Variants in HTT observed in about 807,000 individuals in gnomAD.
HTT encodes huntingtin, also known as huntington disease protein.
A neutral mutation model predicts 362.3 loss-of-function variants in HTT; 104 were observed. The observed-to-expected ratio is 0.29, with a 90% CI of 0.24 to 0.34. The LOEUF (loss-of-function observed/expected upper bound fraction) is 0.34. HTT is among the 10% of genes least tolerant of loss of function. HTT has a pLI of 1.00. For synonymous variants in HTT, 1,577 were observed against 1,548.7 expected, an observed-to-expected ratio of 1.02 and a Z score of -0.43; for missense variants, 3,301 against 3,928.6, an observed-to-expected ratio of 0.84 and a Z score of 4.27.
intron 1 of HTT, among the ~76,000 whole-genome samples, chr4:3,081,341 T>G (rs1712887605): frequency 6.6e-6 from 1 of 152,140 alleles, no homozygotes; most frequent in Non-Finnish European, 1.5e-5. Flanking sequence ...TATGTATGAG[T>G]GTCTGTGTTC....
At chr4:3,238,683 TCGCCAGCAGAGCCCAGCTCCTC>T in intron 65 of HTT, 74 bp downstream of exon 65, 4 of 1,502,932 alleles carry the variant, frequency 2.7e-6, no homozygotes, top group Non-Finnish European at 2.7e-6. Context: ...CCCAGCAGAT[TCGCCAGCAGAGCCCAGCTCCTC>T]CGCTTTAAAG....
intron 1 of HTT, among the ~76,000 whole-genome samples, chr4:3,086,664 C>T (rs1713224411): frequency 6.6e-6 from 1 of 152,086 alleles, no homozygotes; most frequent in Admixed American, 6.6e-5. Context: ...GAGCAAGATC[C>T]TGACTCTAAA....
intron 36 of HTT, among the ~76,000 whole-genome samples, chr4:3,181,190 A>G (rs975631742): frequency 6.6e-6 from 1 of 152,032 alleles, no homozygotes; most frequent in Non-Finnish European, 1.5e-5. Flanking sequence ...CCTGGTGTTT[A>G]TCTTTAAAGT....
chr4:3,237,621 G>C (rs942972077), intron 64 of HTT, among the ~76,000 whole-genome samples: 2 of 152,290 alleles, frequency 1.3e-5, no homozygotes, highest in Non-Finnish European at 1.5e-5. Flanking sequence ...ATTTCTCTCT[G>C]TGGAGCAGTG....
At position 3,175,125 on chromosome 4, in the gene HTT, T is replaced by G. The variant is rs369220151; in HGVS notation, c.4407+18T>G. 121 of 1,604,104 alleles carry G rather than the reference T, an allele frequency of 7.5e-5. 1 individual carries two copies. Among genetic ancestry groups the G allele is most frequent in the Non-Finnish European group, 1.0e-4 (117 of 1,174,786 alleles). On this transcript the variant is annotated intron_variant, in intron 33 of 66. Coordinates refer to ENST00000355072, the MANE Select transcript of HTT (RefSeq NM_001388492.1). ...CAGATCAGGTTTGTCACTTTTATCT[T>G]TCATCCATCATACCTGTTCCTAATT...
intron 40 of HTT, among the ~76,000 whole-genome samples, chr4:3,193,186 G>T (rs1171495063): frequency 2.0e-5 from 3 of 152,244 alleles, no homozygotes; most frequent in East Asian, 3.8e-4. Flanking sequence ...CATGGCCTCT[G>T]CATTCAGCTG....
intron 2 of HTT, among the ~76,000 whole-genome samples, chr4:3,094,608 G>T (rs1713726612): frequency 6.9e-6 from 1 of 145,618 alleles, no homozygotes; most frequent in South Asian, 2.1e-4. Flanking sequence ...CCCGGACGGG[G>T]CGGCTGGCCG....
chr4:3,105,442 T>A lies in HTT; in HGVS notation c.608+6T>A. On this transcript the variant is annotated splice_donor_region_variant and intron_variant, in intron 5 of 66. Transcript: ENST00000355072. ...GTTCGGCCTCAGAAATGCAGGTAAGTTGTACACTCTGGATGTTGGTTTTTG... is the reference window on the plus strand; with the variant it reads ...GTTCGGCCTCAGAAATGCAGGTAAGATGTACACTCTGGATGTTGGTTTTTG... 2 of 1,598,252 alleles carry A rather than the reference T, an allele frequency of 1.3e-6. No individual in the cohort carries two copies. Among genetic ancestry groups the A allele is most frequent in the Non-Finnish European group, 1.7e-6 (2 of 1,165,648 alleles).
chr4:3,123,110 T>G, intron 10 of HTT, 174 bp downstream of exon 10: 1 of 430,602 alleles, frequency 2.3e-6, no homozygotes, highest in Non-Finnish European at 4.1e-6. Context: ...CAGGCCTGAA[T>G]AGTTTTGTAG....
At chr4:3,154,050 A>T (rs1278858753) in intron 26 of HTT, among the ~76,000 whole-genome samples, 1 of 152,142 alleles carries the variant, frequency 6.6e-6, no homozygotes, top group Non-Finnish European at 1.5e-5. Context: ...TCTTCAACTC[A>T]TTCTCTGTGC....
intron 37 of HTT, among the ~76,000 whole-genome samples, chr4:3,183,852 A>G (rs1718636735): frequency 6.6e-6 from 1 of 152,256 alleles, no homozygotes; most frequent in Non-Finnish European, 1.5e-5. Context: ...CGCTTAGTGC[A>G]GCACCTGCCA....
At chr4:3,163,901 G>GT (rs910439619) in intron 29 of HTT, among the ~76,000 whole-genome samples, 9 of 151,152 alleles carry the variant, frequency 6.0e-5, no homozygotes, top group Middle Eastern at 3.4e-3. Flanking sequence ...TTTTTGGAGG[G>GT]TTTTTTTTCG....
chr4:3,088,553 ATATT>A (rs1713335652), intron 2 of HTT, among the ~76,000 whole-genome samples: 1 of 152,184 alleles, frequency 6.6e-6, no homozygotes, highest in South Asian at 2.1e-4. Context: ...TTCAGTATAT[ATATT>A]CGTAATGTTG....
chr4:3,225,921 C>T (rs1720890075), intron 57 of HTT, among the ~76,000 whole-genome samples, 178 bp downstream of exon 57: 1 of 151,952 alleles, frequency 6.6e-6, no homozygotes, highest in African/African-American at 2.4e-5. Context: ...GTCCCGCAAG[C>T]AGAGGAAGCA....
chr4:3,126,435 A>C (rs1357513275), intron 11 of HTT, among the ~76,000 whole-genome samples: 1 of 152,218 alleles, frequency 6.6e-6, no homozygotes, highest in Non-Finnish European at 1.5e-5. Context: ...TAACTGGATT[A>C]TATGAGGGTG....
intron 1 of HTT, among the ~76,000 whole-genome samples, chr4:3,077,346 C>G (rs1229893001): frequency 6.6e-6 from 1 of 151,988 alleles, no homozygotes; most frequent in Non-Finnish European, 1.5e-5. Flanking sequence ...CTCATGTATC[C>G]TGCCAGATAT....
rs200014691 is a variant in HTT at position 3,198,215 on chromosome 4, A to ATTTT, written c.5369-1492_5369-1489dup. On this transcript the variant is annotated intron_variant, in intron 40 of 66. Transcript: ENST00000355072. ...ACCCTTTCACTTTGGGGATGTGTTGATTTTTTTTTTTTTTTTTTTTTTTTT... is the reference window on the plus strand; with the variant it reads ...ACCCTTTCACTTTGGGGATGTGTTGATTTTTTTTTTTTTTTTTTTTTTTTTTTTT... 4.0e-3 allele frequency among the ~76,000 whole-genome samples: 241 copies of ATTTT among 60,376 alleles called. 30 individuals are homozygous for ATTTT. Among genetic ancestry groups the ATTTT allele is most frequent in the African/African-American group, 9.3e-3 (141 of 15,162 alleles). The allele number at this position is 60,376 out of a possible 152,430, so 39.6% of individuals were successfully genotyped here. A position where few individuals can be genotyped will look rare whatever the true frequency, so the allele number is the denominator to read the frequency against.
chr4:3,176,072 G>A (rs138346891), intron 33 of HTT, among the ~76,000 whole-genome samples: 5,388 of 146,164 alleles, frequency 0.037, 127 homozygotes, highest in Non-Finnish European at 0.054. Context: ...CTGTCACCCA[G>A]GCTGGAGTGC....
In HTT at chr4:3,134,527, G is replaced by A. The variant is rs1225122494; in HGVS notation, c.2620G>A (p.Glu874Lys). ...VRTELLETLA[E>K]IDFRLVSFLE... The stretch of plus-strand genomic sequence containing the variant: ...GACAGAGCTTCTGGAAACCCTTGCA[G>A]AGATTGACTTCAGGTAAGTGAGTCA... Residue 874 changes from glutamate to lysine, a missense_variant, in exon 19 of 67, where the codon GAG (glutamate) becomes AAG (lysine). Physicochemically the swap from Glu to Lys is moderately conservative, Grantham distance 56. This residue lies in a region of HTT where 2,316 missense variants were observed against 2,658.5 expected (regional missense o/e 0.87). Transcript: ENST00000355072. The A allele has an allele frequency of 1.2e-6, 2 of 1,613,278 alleles. No individual in the cohort carries two copies. The highest frequency in any genetic ancestry group is 1.7e-5 in the Admixed American group (1 of 59,786).
Sources: allele counts gnomAD v4.1 joint callset (sites outside exome capture counted in the v4.1 genomes callset), GRCh38; gene constraint gnomAD v4.1.1; regional missense constraint gnomAD v4.1.1; transcripts MANE v1.5; gene names NCBI Gene and HGNC (gene_info 2026-07-23, HGNC 2026-07-21).